The following GRAMD1B variants were observed in gnomAD, a reference collection of about 807,000 sequenced individuals.
GRAMD1B encodes protein Aster-B.
Under a neutral mutation model 99.7 loss-of-function variants are expected in GRAMD1B, and 37 were observed. The observed-to-expected ratio is 0.37, with a 90% confidence interval of 0.29 to 0.49. The LOEUF (loss-of-function observed/expected upper bound fraction) is 0.49. GRAMD1B is among the 20% of genes least tolerant of loss of function. GRAMD1B has a pLI of 0.98. For synonymous variants in GRAMD1B, 427 were observed against 387.6 expected (o/e 1.10, Z -1.19); for missense variants, 888 against 1,009.2 (o/e 0.88, Z 1.63).
At chr11:123,559,266 C>T (rs1322416999) in intron 2 of GRAMD1B, among the ~76,000 whole-genome samples, 6 of 152,156 alleles carry the variant, frequency 3.9e-5, no homozygotes, top group Non-Finnish European at 8.8e-5. Flanking sequence ...TTAGTGTTGT[C>T]GGTTTTGTGC....
chr11:123,507,519 C>T (rs1409905531), intron 2 of GRAMD1B, among the ~76,000 whole-genome samples: 2 of 152,160 alleles, frequency 1.3e-5, no homozygotes, highest in Non-Finnish European at 2.9e-5. Context: ...AAAAAAAACA[C>T]GTTCCTCTAA....
intron 1 of GRAMD1B, among the ~76,000 whole-genome samples, chr11:123,461,028 T>G (rs180727618): frequency 6.6e-6 from 1 of 152,120 alleles, no homozygotes; most frequent in Non-Finnish European, 1.5e-5. Context: ...TTTTAAGAGG[T>G]TTGGCTTGTG....
rs375282544 is a variant in GRAMD1B at position 123,586,593 on chromosome 11, C to T, written c.684+2261C>T. Among the ~76,000 whole-genome samples the T allele has an allele frequency of 1.2e-4, 19 of 152,322 alleles. No individual in the cohort carries two copies. In the South Asian group the frequency reaches 2.1e-3, roughly 17 times the overall value. On this transcript the variant is annotated intron_variant, in intron 4 of 19. Transcript: ENST00000635736. ...TCCTTCAGTGTGCAGTGCTCATGTC[C>T]GTGCTTTCATGTGCAGATGCCTCCT...
intron 2 of GRAMD1B, among the ~76,000 whole-genome samples, chr11:123,526,665 G>T (rs1228994630): frequency 2.6e-5 from 4 of 152,096 alleles, no homozygotes; most frequent in Admixed American, 2.6e-4. Flanking sequence ...TCCCTCTGAG[G>T]GGCCAGGCTC....
At chr11:123,596,249 G>C (rs1951258860) in intron 7 of GRAMD1B, among the ~76,000 whole-genome samples, 1 of 152,200 alleles carries the variant, frequency 6.6e-6, no homozygotes, top group Non-Finnish European at 1.5e-5. Flanking sequence ...ATTGGACCTG[G>C]AGCCAGAATA....
At chr11:123,550,067 C>G (rs114250232) in intron 2 of GRAMD1B, among the ~76,000 whole-genome samples, 1 of 152,296 alleles carries the variant, frequency 6.6e-6, no homozygotes, top group Non-Finnish European at 1.5e-5. Context: ...TCCTGGAGTC[C>G]GTACCTCCGT....
chr11:123,566,626 C>T (rs922649969), intron 2 of GRAMD1B, among the ~76,000 whole-genome samples: 31 of 152,220 alleles, frequency 2.0e-4, no homozygotes, highest in Non-Finnish European at 3.5e-4. Context: ...ATTAGCCACG[C>T]GTGGTGGCGG....
chr11:123,463,740 G>A (rs1021917824), intron 1 of GRAMD1B, among the ~76,000 whole-genome samples: 2 of 152,224 alleles, frequency 1.3e-5, no homozygotes, highest in African/African-American at 2.4e-5. Flanking sequence ...ATAGGCCAGG[G>A]TGGAAGATAT....
At chr11:123,526,605 G>A (rs1251427204) in intron 2 of GRAMD1B, among the ~76,000 whole-genome samples, 10 of 152,104 alleles carry the variant, frequency 6.6e-5, no homozygotes, top group Admixed American at 6.5e-4. Flanking sequence ...GAGGGTGTGC[G>A]GGGGGCCTTT....
In GRAMD1B at chr11:123,492,363, C is replaced by CTAAG. The variant is rs1198649588; in HGVS notation, c.452+11471_452+11474dup. On this transcript the variant is annotated intron_variant, in intron 2 of 19. Coordinates refer to ENST00000635736, the MANE Select transcript of GRAMD1B (RefSeq NM_001387025.1). This position sits in a 1 kb window ranked among gnomAD's most constrained non-coding sequence, Gnocchi z 4.2. ...ATCATTCTCTTCCACTTACAGAGAC[C>CTAAG]TAAGCAGTAGGTGTTTGGGGCCATT... is the stretch of plus-strand genomic sequence containing the variant. 6.6e-6 allele frequency among the ~76,000 whole-genome samples: 1 copy of CTAAG among 152,050 alleles called. No individual in the cohort carries two copies. Among genetic ancestry groups the CTAAG allele is most frequent in the Non-Finnish European group, 1.5e-5 (1 of 68,008 alleles).
intron 2 of GRAMD1B, among the ~76,000 whole-genome samples, chr11:123,518,188 G>A (rs895681215): frequency 6.6e-6 from 1 of 152,214 alleles, no homozygotes; most frequent in South Asian, 2.1e-4. Context: ...CCACCGTTAA[G>A]TGCAGCAGCA....
chr11:123,548,349 C>CATATATATATATATATATAT (rs142360908), intron 2 of GRAMD1B, among the ~76,000 whole-genome samples: 40 of 107,762 alleles, frequency 3.7e-4, no homozygotes, highest in African/African-American at 1.7e-3. Context: ...CACACACACA[C>CATATATATATATATATATAT]ATATATATAT....
At chr11:123,390,530 A>C (rs747549087) in intron 1 of GRAMD1B, among the ~76,000 whole-genome samples, 2 of 152,232 alleles carry the variant, frequency 1.3e-5, no homozygotes, top group Non-Finnish European at 2.9e-5. Context: ...ATGAATTTTC[A>C]CTACTGTTAT....
chr11:123,606,319 A>G (rs903406736), intron 10 of GRAMD1B, among the ~76,000 whole-genome samples: 16 of 152,238 alleles, frequency 1.1e-4, no homozygotes, highest in African/African-American at 2.9e-4. Flanking sequence ...AGGATGGTGC[A>G]GGTGCGGCTC....
chr11:123,539,393 T>C (rs918319681), intron 2 of GRAMD1B, among the ~76,000 whole-genome samples: 1 of 151,738 alleles, frequency 6.6e-6, no homozygotes, highest in Non-Finnish European at 1.5e-5. Flanking sequence ...CTTGAACCCA[T>C]GAGTTCAAAA....
At chr11:123,534,172 G>A (rs1355397711) in intron 2 of GRAMD1B, among the ~76,000 whole-genome samples, 1 of 152,126 alleles carries the variant, frequency 6.6e-6, no homozygotes, top group Admixed American at 6.5e-5. Context: ...CACATTTTTG[G>A]TATTATGCAT....
chr11:123,438,199 G>C (rs918415971), intron 1 of GRAMD1B, among the ~76,000 whole-genome samples: 1 of 152,108 alleles, frequency 6.6e-6, no homozygotes, highest in Non-Finnish European at 1.5e-5. Context: ...ACAATGCCTC[G>C]GTCCCCCCAG....
At chr11:123,517,367 G>A (rs1275228254) in intron 2 of GRAMD1B, among the ~76,000 whole-genome samples, 1 of 152,208 alleles carries the variant, frequency 6.6e-6, no homozygotes, top group Non-Finnish European at 1.5e-5. Context: ...GCAGGAAATG[G>A]AGCCTGTGGT....
intron 4 of GRAMD1B, among the ~76,000 whole-genome samples, chr11:123,586,440 G>T (rs1950082018): frequency 6.6e-6 from 1 of 152,136 alleles, no homozygotes; most frequent in Non-Finnish European, 1.5e-5. Context: ...TCTCCACTTA[G>T]CTCAGATCAT....
Sources: gnomAD v4.1 joint callset for allele counts (sites outside exome capture counted in the v4.1 genomes callset) on GRCh38, gnomAD v4.1.1 for gene constraint, Gnocchi (gnomAD v3.1) non-coding constraint, MANE v1.5 for transcripts, NCBI Gene and HGNC (gene_info 2026-07-23, HGNC 2026-07-21) for gene names.